MUC5B: variants seen among roughly 807,000 people sequenced by gnomAD.
MUC5B encodes the protein mucin-5B.
Under a neutral mutation model 376.9 loss-of-function variants are expected in MUC5B, and 116 were observed. The observed-to-expected ratio is 0.31, with a 90% CI of 0.26 to 0.36. The LOEUF is 0.36. MUC5B is among the 10% of genes least tolerant of loss of function. MUC5B has a pLI of 1.00. For synonymous variants in MUC5B, 3,517 were observed against 3,390.9 expected (o/e 1.04, Z -1.29); for missense variants, 7,165 against 7,769.9 (o/e 0.92, Z 2.93).
At chr11:1,230,447 T>C in intron 11 of MUC5B, 43 bp from the exon 12 acceptor site, 1 of 1,512,254 alleles carries the variant, frequency 6.6e-7, no homozygotes, top group Non-Finnish European at 9.0e-7. Context: ...GCACCCCACA[T>C]CATCGAGCCA....
At chr11:1,238,695 GC>G (rs1315401053) in intron 25 of MUC5B, among the ~76,000 whole-genome samples, 175 bp from the exon 26 acceptor site, 2 of 152,186 alleles carry the variant, frequency 1.3e-5, no homozygotes, top group African/African-American at 4.8e-5. Context: ...CTGGAGAAGT[GC>G]TGGGGCAGCT....
Position 1,246,398 on chromosome 11 carries a change from T to C in MUC5B, c.9518T>C (p.Val3173Ala). 1 of 1,612,870 alleles carries C rather than the reference T, an allele frequency of 6.2e-7. No individual in the cohort carries two copies. The highest frequency in any genetic ancestry group is 1.1e-5 in the South Asian group (1 of 91,016). Residue 3173 changes from valine to alanine, a missense_variant, in exon 31 of 49, where the codon GTG becomes GCG. Val to Ala is a moderately conservative substitution (Grantham distance 64). Around this residue, in one of 31 missense-constraint regions of MUC5B, gnomAD observed 939 missense variants for 770.6 expected, o/e 1.22. Coordinates refer to ENST00000529681, the MANE Select transcript of MUC5B (RefSeq NM_002458.3). ...ILTEPSTTAT[V>A]TVPTGSTATA... is the part of the protein sequence containing the mutation. ...ACAGAGCCCAGCACTACAGCCACCG[T>C]GACGGTGCCCACCGGATCCACGGCC...
rs753562616 is a variant in MUC5B, at chr11:1,240,960, G to T, written c.4080G>T (p.Thr1360=). ...EPGLGGGDFE[T]FENLRQRGYQ... ...GCCTGGGAGGCGGAGACTTTGAGAC[G>T]TTTGAAAACCTGAGGCAGAGAGGGT... The change falls in exon 31 of 49, where the codon ACG becomes ACT. Residue 1360 remains threonine (T), a synonymous_variant. Transcript: ENST00000529681. The T allele has an allele frequency of 3.7e-6, 6 of 1,613,450 alleles. No homozygotes were observed. The East Asian group carries it at 1.3e-4, about 36-fold the overall frequency.
Position 1,234,491 on chromosome 11 carries a change from G to T in MUC5B, c.2479-38G>T. On this transcript the variant is annotated intron_variant, in intron 20 of 48. Transcript: ENST00000529681. This position sits in a 1 kb window ranked among gnomAD's most constrained non-coding sequence, Gnocchi z 6.3. Reference sequence around the variant, plus strand: ...GGGTGAGTGACATCTGCCCACCCTGGTGTCCAGCCCTGACCGGTACCTGCC... The same window carrying T: ...GGGTGAGTGACATCTGCCCACCCTGTTGTCCAGCCCTGACCGGTACCTGCC... 1 of 1,558,050 alleles carries T rather than the reference G, an allele frequency of 6.4e-7. No individual in the cohort carries two copies. Among genetic ancestry groups the T allele is most frequent in the Non-Finnish European group, 8.7e-7 (1 of 1,151,530 alleles).
Position 1,244,641 on chromosome 11 carries a change from C to A in MUC5B, c.7761C>A (p.Thr2587=). Residue 2587 remains threonine, a synonymous_variant, in exon 31 of 49, where the codon ACC becomes ACA. Coordinates refer to ENST00000529681, the MANE Select transcript of MUC5B (RefSeq NM_002458.3). ...TGCTTACCACCACGGCCACCACAAC[C>A]GGGGCCACCGGCTCTGTGGCCACCC... ...STVLTTTATT[T]GATGSVATPS... The A allele has an allele frequency of 6.2e-7, 1 of 1,608,536 alleles. No individual in the cohort carries two copies. Among genetic ancestry groups the A allele is most frequent in the Non-Finnish European group, 8.5e-7 (1 of 1,175,444 alleles).
chr11:1,250,888 A>G lies in MUC5B; in HGVS notation c.14008A>G (p.Ser4670Gly). Residue 4670 changes from serine (S) to glycine (G), a missense_variant, in exon 31 of 49, where the codon AGC becomes GGC. By Grantham distance (56) the Ser-to-Gly change is moderately conservative (BLOSUM62 0). This residue lies in a region of MUC5B where 730 missense variants were observed against 592.7 expected (regional missense o/e 1.23). Transcript: ENST00000529681. ...ATGSMATPSS[S>G]TQTSGTPPSL... ...TGGTTCTATGGCAACACCCTCCTCT[A>G]GCACACAGACCAGTGGTACTCCCCC... 3 of 1,588,870 alleles carry G rather than the reference A, an allele frequency of 1.9e-6. No individual in the cohort carries two copies. In the East Asian group the frequency reaches 7.0e-5, roughly 37 times the overall value.
At position 1,255,516 on chromosome 11, in the gene MUC5B, G is replaced by C; in HGVS notation, c.16024G>C (p.Gly5342Arg). ...EAYAELCRAR[G>R]VCSDWRGATG... Reference sequence around the variant, plus strand: ...TTACGCAGAGCTCTGCCGCGCCCGGGGAGTGTGCAGTGACTGGCGAGGTGC... The same window carrying C: ...TTACGCAGAGCTCTGCCGCGCCCGGCGAGTGTGCAGTGACTGGCGAGGTGC... Residue 5342 changes from glycine (G) to arginine (R), a missense_variant, in exon 37 of 49, where the codon GGA (glycine) becomes CGA (arginine). This residue lies in a region of MUC5B where 842 missense variants were observed against 1,016.9 expected (regional missense o/e 0.83). Transcript: ENST00000529681. 6.5e-7 allele frequency: 1 copy of C among 1,548,502 alleles called. No individual in the cohort carries two copies.
At chr11:1,229,891 G>A (rs1008691800) in intron 10 of MUC5B, 84 bp downstream of exon 10, 33 of 1,543,442 alleles carry the variant, frequency 2.1e-5, no homozygotes, top group Non-Finnish European at 2.7e-5. Context: ...TGCCTGGGGT[G>A]GGGGTGTGGA....
Position 1,238,962 on chromosome 11 carries a change from C to A in MUC5B, c.3389C>A (p.Ala1130Asp), listed in dbSNP as rs958438708. The change falls in exon 26 of 49, where the codon GCT becomes GAT. Residue 1130 changes from alanine to aspartate, a missense_variant. Ala to Asp is a moderately radical substitution (Grantham distance 126). Coordinates refer to ENST00000529681, the MANE Select transcript of MUC5B (RefSeq NM_002458.3). ...TGCGAGTGTTTCTGCACGGCTGTGG[C>A]TGCCTACGCCCAGGCCTGCCACGAC... Reference protein sequence around the residue: ...GDCECFCTAVAAYAQACHDAG... With the variant: ...GDCECFCTAVDAYAQACHDAG... The A allele has an allele frequency of 6.4e-7, 1 of 1,574,356 alleles. No homozygotes were observed. Among genetic ancestry groups the A allele is most frequent in the Non-Finnish European group, 8.6e-7 (1 of 1,160,684 alleles).
At chr11:1,240,582 C>A (rs1277140360) in intron 30 of MUC5B, among the ~76,000 whole-genome samples, 2 of 152,210 alleles carry the variant, frequency 1.3e-5, no homozygotes, top group African/African-American at 2.4e-5. Context: ...TGATGGGATA[C>A]CCCAAGGAGA....
In MUC5B at chr11:1,258,877, T is replaced by C. The variant is rs897988779; in HGVS notation, c.16594-65T>C. 1.5e-4 allele frequency: 237 copies of C among 1,542,162 alleles called. No individual in the cohort carries two copies. The highest frequency in any genetic ancestry group is 1.9e-4 in the Non-Finnish European group (217 of 1,143,152). On this transcript the variant is annotated intron_variant, in intron 43 of 48. Transcript: ENST00000529681. This position sits in a 1 kb window ranked among gnomAD's most constrained non-coding sequence, Gnocchi z 5.5. ...ACTCCCTGCAGGCCCCATTGGGTCATGGGGAGGGGTCCTGGCCCTGTTGCC... is the reference window on the plus strand; with the variant it reads ...ACTCCCTGCAGGCCCCATTGGGTCACGGGGAGGGGTCCTGGCCCTGTTGCC...
intron 21 of MUC5B, 34 bp from the exon 22 acceptor site, chr11:1,235,051 C>G (rs1161139759): frequency 1.3e-6 from 2 of 1,590,896 alleles, no homozygotes; most frequent in East Asian, 4.5e-5. Flanking sequence ...GAGAGCAGGC[C>G]CCTGTGAGCA....
In MUC5B at chr11:1,242,266, G is replaced by A. The variant is rs769981957; in HGVS notation, c.5386G>A (p.Val1796Met). 8.7e-6 allele frequency: 14 copies of A among 1,613,890 alleles called. No individual in the cohort carries two copies. Among genetic ancestry groups the A allele is most frequent in the East Asian group, 6.7e-5 (3 of 44,888 alleles). Residue 1796 changes from valine to methionine, a missense_variant, in exon 31 of 49, where the codon GTG (valine) becomes ATG (methionine). By Grantham distance (21) the Val-to-Met change is conservative (BLOSUM62 1). Transcript: ENST00000529681. ...GTGTGAGTGGACAGAGTGGTTTGAC[G>A]TGGACTTCCCAACCTCAGGGGTTGC... ...PKCEWTEWFD[V>M]DFPTSGVAGG...
At chr11:1,255,636 G>A (rs1436236341) in intron 37 of MUC5B, 78 bp downstream of exon 37, 32 of 448,600 alleles carry the variant, frequency 7.1e-5, no homozygotes, top group Non-Finnish European at 1.0e-4. Flanking sequence ...GGGCGGCCCC[G>A]GGCCCCCCAG....
chr11:1,244,240 A>G lies in MUC5B; in HGVS notation c.7360A>G (p.Thr2454Ala), dbSNP rs1228318870. The G allele has an allele frequency of 1.2e-6, 2 of 1,611,482 alleles. No individual in the cohort carries two copies. The highest frequency in any genetic ancestry group is 2.2e-5 in the South Asian group (2 of 90,952). ...TTTESTGSTA[T>A]PSSTPGTTWI... ...GACTGAGTCCACTGGATCCACGGCC[A>G]CCCCGTCCTCCACCCCAGGGACCAC... The change falls in exon 31 of 49, where the codon ACC becomes GCC. Residue 2454 changes from threonine to alanine, a missense_variant. By Grantham distance (58) the Thr-to-Ala change is moderately conservative. Around this residue, in one of 31 missense-constraint regions of MUC5B, gnomAD observed 194 missense variants for 268.5 expected, o/e 0.72. Coordinates refer to ENST00000529681, the MANE Select transcript of MUC5B (RefSeq NM_002458.3).
Position 1,256,656 on chromosome 11 carries a change from C to T in MUC5B, c.16137-15C>T, listed in dbSNP as rs762397166. ...TGGATCTCTAGGTCTCAGGGCCTCTCTTGTCATCCTGCAGGAACCAGAGCC... is the reference window on the plus strand; with the variant it reads ...TGGATCTCTAGGTCTCAGGGCCTCTTTTGTCATCCTGCAGGAACCAGAGCC... On this transcript the variant is annotated splice_polypyrimidine_tract_variant and intron_variant, in intron 38 of 48. Coordinates refer to ENST00000529681, the MANE Select transcript of MUC5B (RefSeq NM_002458.3). 1 of 1,550,754 alleles carries T rather than the reference C, an allele frequency of 6.4e-7. No individual in the cohort carries two copies. The highest frequency in any genetic ancestry group is 8.7e-7 in the Non-Finnish European group (1 of 1,149,138).
intron 23 of MUC5B, 45 bp from the exon 24 acceptor site, chr11:1,236,341 G>C (rs908011051): frequency 6.4e-7 from 1 of 1,564,950 alleles, no homozygotes; most frequent in African/African-American, 1.4e-5. Context: ...GCCCCTCCCT[G>C]GGGGCCACAG....
chr11:1,227,207 C>T (rs936517122), intron 5 of MUC5B, 62 bp downstream of exon 5: 61 of 1,570,522 alleles, frequency 3.9e-5, no homozygotes, highest in African/African-American at 1.9e-4. Flanking sequence ...CACCGGGGGT[C>T]GAGGGATGCC....
Position 1,241,420 on chromosome 11 carries a change from G to C in MUC5B, c.4540G>C (p.Asp1514His). The change falls in exon 31 of 49, where the codon GAT becomes CAT. Residue 1514 changes from aspartate (D) to histidine (H), a missense_variant. By Grantham distance (81) the Asp-to-His change is moderately conservative. This residue lies in a region of MUC5B where 517 missense variants were observed against 545.3 expected (regional missense o/e 0.95). Transcript: ENST00000529681. ...CCGGTGTCAGTGGACAGAGTGGTTT[G>C]ATGAGGACTACCCCAAGTCTGAACA... The part of the protein sequence containing the change: ...QPRCQWTEWF[D>H]EDYPKSEQLG... 1 of 1,613,418 alleles carries C rather than the reference G, an allele frequency of 6.2e-7. No homozygotes were observed. The highest frequency in any genetic ancestry group is 8.5e-7 in the Non-Finnish European group (1 of 1,179,480).
Sources: allele counts gnomAD v4.1 joint callset (sites outside exome capture counted in the v4.1 genomes callset), GRCh38; gene constraint gnomAD v4.1.1; regional missense constraint gnomAD v4.1.1; non-coding constraint Gnocchi (gnomAD v3.1); transcripts MANE v1.5; gene names NCBI Gene and HGNC (gene_info 2026-07-23, HGNC 2026-07-21).